GULP1: variants seen among roughly 807,000 people sequenced by gnomAD.
GULP1 encodes the protein PTB domain-containing engulfment adapter protein 1.
GULP1 carries 19 observed loss-of-function variants against 40.9 expected under a neutral mutation model. That is an observed-to-expected ratio of 0.46 (90% CI 0.32 to 0.68). GULP1 has a LOEUF of 0.68. GULP1 is among the 30% of genes least tolerant of loss of function. The pLI is 0.03. For missense variants in GULP1, 312 were observed against 362.2 expected (o/e 0.86, Z 1.12); for synonymous variants, 119 against 117.6 (o/e 1.01, Z -0.08).
At chr2:188,367,953 C>T (rs2047019165) in intron 1 of GULP1, among the ~76,000 whole-genome samples, 1 of 152,108 alleles carries the variant, frequency 6.6e-6, no homozygotes, top group African/African-American at 2.4e-5. Flanking sequence ...ACACTTATAT[C>T]TATTAGTCCA....
At chr2:188,299,885 T>A (rs12693494) in intron 1 of GULP1, among the ~76,000 whole-genome samples, 23,309 of 152,146 alleles carry the variant, frequency 0.15, 1,940 homozygotes, top group African/African-American at 0.18. Context: ...GCAGGTGGGA[T>A]AGGCAAGAAG....
intron 1 of GULP1, among the ~76,000 whole-genome samples, chr2:188,364,146 A>T (rs1272117186): frequency 6.6e-6 from 1 of 152,144 alleles, no homozygotes; most frequent in African/African-American, 2.4e-5. Flanking sequence ...ATCCTTGTGG[A>T]TTCCTATCTG....
chr2:188,373,442 T>A (rs1198603912), intron 1 of GULP1, among the ~76,000 whole-genome samples: 1 of 152,032 alleles, frequency 6.6e-6, no homozygotes, highest in Non-Finnish European at 1.5e-5. Context: ...TTTTCAATAC[T>A]GAAATTGTAG....
chr2:188,450,284 A>T (rs1442983300), intron 2 of GULP1, among the ~76,000 whole-genome samples: 3 of 152,166 alleles, frequency 2.0e-5, no homozygotes, highest in Non-Finnish European at 4.4e-5. Flanking sequence ...TTGTCTAATT[A>T]CTATTTTTAT....
intron 2 of GULP1, among the ~76,000 whole-genome samples, chr2:188,443,527 C>A (rs2058115937): frequency 6.6e-6 from 1 of 152,076 alleles, no homozygotes; most frequent in African/African-American, 2.4e-5. Context: ...AGCAGTCAAG[C>A]AAATATAAAG....
chr2:188,292,259 G>A lies in GULP1; in HGVS notation c.-172+93G>A, dbSNP rs146004896. 851 of 152,652 alleles carry A rather than the reference G, an allele frequency of 5.6e-3. 4 individuals carry two copies. Among genetic ancestry groups the A allele is most frequent in the Admixed American group, 9.3e-3 (143 of 15,312 alleles). 9.5% of individuals were successfully genotyped at this position (152,652 alleles called of 1,614,324 possible). A position where few individuals can be genotyped will look rare whatever the true frequency, so the allele number is the denominator to read the frequency against. On this transcript the variant is annotated intron_variant, in intron 1 of 11. Transcript: ENST00000409830. This position sits in a 1 kb window ranked among gnomAD's most constrained non-coding sequence, Gnocchi z 4.0. The stretch of plus-strand genomic sequence containing the variant: ...CTTAGAAGCTGATATCCCGAGGGGC[G>A]GTGGGGGTGGACAGCTCCGGCCACC...
intron 2 of GULP1, among the ~76,000 whole-genome samples, chr2:188,389,069 G>A (rs1053990315): frequency 1.3e-5 from 2 of 152,150 alleles, no homozygotes; most frequent in African/African-American, 2.4e-5. Flanking sequence ...GCAGTTAAGC[G>A]GGGATTAAAG....
intron 1 of GULP1, among the ~76,000 whole-genome samples, chr2:188,366,370 T>C (rs1188404278): frequency 2.6e-5 from 4 of 152,124 alleles, no homozygotes; most frequent in Non-Finnish European, 5.9e-5. Flanking sequence ...AAGTTCATGA[T>C]GTTATGTGCA....
chr2:188,564,594 C>T (rs1399822089), intron 7 of GULP1, among the ~76,000 whole-genome samples: 13 of 151,738 alleles, frequency 8.6e-5, no homozygotes, highest in Non-Finnish European at 1.3e-4. Flanking sequence ...GAGAAAGATA[C>T]CATGTTTATA....
At chr2:188,517,392 T>G (rs1304347686) in intron 4 of GULP1, among the ~76,000 whole-genome samples, 1 of 152,182 alleles carries the variant, frequency 6.6e-6, no homozygotes, top group Non-Finnish European at 1.5e-5. Flanking sequence ...TATGTGCTAC[T>G]TTTTCTAGCA....
intron 1 of GULP1, among the ~76,000 whole-genome samples, chr2:188,374,711 A>G (rs1158400849): frequency 6.6e-6 from 1 of 152,030 alleles, no homozygotes; most frequent in Non-Finnish European, 1.5e-5. Flanking sequence ...CAGTCCTGGA[A>G]CTACAGCTAG....
At chr2:188,425,741 T>A (rs1472801214) in intron 2 of GULP1, among the ~76,000 whole-genome samples, 1 of 152,158 alleles carries the variant, frequency 6.6e-6, no homozygotes, top group African/African-American at 2.4e-5. Context: ...ATATGAGTAC[T>A]GAGTTTAAAA....
intron 4 of GULP1, among the ~76,000 whole-genome samples, chr2:188,490,185 CA>C (rs1297627534): frequency 1.3e-5 from 2 of 152,042 alleles, no homozygotes; most frequent in African/African-American, 2.4e-5. Flanking sequence ...ATTCATTATT[CA>C]AACTCGGTTA....
At chr2:188,481,853 A>C (rs2153054644) in intron 3 of GULP1, among the ~76,000 whole-genome samples, 1 of 152,090 alleles carries the variant, frequency 6.6e-6, no homozygotes, top group Non-Finnish European at 1.5e-5. Context: ...TTGCCTTGGA[A>C]GAAGTATTGT....
intron 2 of GULP1, among the ~76,000 whole-genome samples, chr2:188,418,849 A>ACTTTATC (rs560860764): frequency 2.1e-4 from 32 of 152,098 alleles, no homozygotes; most frequent in Admixed American, 1.0e-3. Context: ...CTTGACTGAA[A>ACTTTATC]CTTTATTCCC....
intron 2 of GULP1, among the ~76,000 whole-genome samples, chr2:188,418,292 G>A (rs2152750926): frequency 6.6e-6 from 1 of 151,614 alleles, no homozygotes; most frequent in Non-Finnish European, 1.5e-5. Context: ...ATTTTCTTTT[G>A]TGCTTCACGT....
chr2:188,298,677 A>G (rs1414886637), intron 1 of GULP1, among the ~76,000 whole-genome samples: 1 of 152,216 alleles, frequency 6.6e-6, no homozygotes, highest in East Asian at 1.9e-4. Flanking sequence ...AGTCATTTTA[A>G]AGGAAGAACT....
At chr2:188,520,527 TAA>T (rs754573431) in intron 4 of GULP1, among the ~76,000 whole-genome samples, 36 of 92,360 alleles carry the variant, frequency 3.9e-4, no homozygotes, top group African/African-American at 2.7e-4. Context: ...AGACTCCATC[TAA>T]AAAAAAAAAA....
chr2:188,352,618 T>TCTCTCTCACACACA (rs578003996), intron 1 of GULP1, among the ~76,000 whole-genome samples: 3 of 134,406 alleles, frequency 2.2e-5, no homozygotes, highest in African/African-American at 8.7e-5. Context: ...TCTCTCTCTC[T>TCTCTCTCACACACA]CACACACACA....
Sources: allele counts gnomAD v4.1 joint callset (sites outside exome capture counted in the v4.1 genomes callset), GRCh38; gene constraint gnomAD v4.1.1; non-coding constraint Gnocchi (gnomAD v3.1); transcripts MANE v1.5; gene names NCBI Gene and HGNC (gene_info 2026-07-23, HGNC 2026-07-21).